The following PRG4 variants were observed in gnomAD, a reference collection of about 807,000 sequenced individuals.
PRG4 encodes articular superficial zone protein.
Under a neutral mutation model 91.2 loss-of-function variants are expected in PRG4, and 61 were observed. That is an observed-to-expected ratio of 0.67 (90% CI 0.54 to 0.83). The LOEUF is 0.83. PRG4 is among the 40% of genes least tolerant of loss of function. The pLI is 0.00. For missense variants in PRG4, 1,564 were observed against 1,714.2 expected (o/e 0.91, Z 1.55); for synonymous variants, 576 against 614.2 (o/e 0.94, Z 0.92).
chr1:186,307,931 A>T lies in PRG4; in HGVS notation c.2212A>T (p.Thr738Ser). ...CCCCAAGGAGCTTGCACCCACCACC[A>T]CCAAGGAGCCCACATCCACCACCTC... ...PAPKELAPTTTKEPTSTTSDK... is the reference protein window; with the variant it reads ...PAPKELAPTTSKEPTSTTSDK... Residue 738 changes from threonine (T) to serine (S), a missense_variant, in exon 7 of 13, where the codon ACC becomes TCC. Thr to Ser is a moderately conservative substitution (Grantham distance 58). Transcript: ENST00000445192. 6.6e-7 allele frequency: 1 copy of T among 1,514,238 alleles called. No individual in the cohort carries two copies. The highest frequency in any genetic ancestry group is 8.8e-7 in the Non-Finnish European group (1 of 1,135,374). 93.8% of individuals were successfully genotyped at this position (1,514,238 alleles called of 1,614,324 possible).
chr1:186,306,080 T>C (rs1256957179), intron 6 of PRG4, among the ~76,000 whole-genome samples: 2 of 152,192 alleles, frequency 1.3e-5, no homozygotes, highest in Non-Finnish European at 2.9e-5. Flanking sequence ...CTGACTTCCA[T>C]GTATTAATTG....
In PRG4 at chr1:186,314,120, G is replaced by T; in HGVS notation, c.*342G>T. The T allele has an allele frequency of 8.5e-7, 1 of 1,181,696 alleles. No individual in the cohort carries two copies. Among genetic ancestry groups the T allele is most frequent in the Non-Finnish European group, 1.2e-6 (1 of 827,734 alleles). 73.2% of individuals were successfully genotyped at this position (1,181,696 alleles called of 1,614,324 possible). On this transcript the variant is annotated 3_prime_UTR_variant, in exon 13 of 13. Transcript: ENST00000445192. ...CTAGTTCATTATAAAAAATATCTAG[G>T]CATTGTGGATATAAAACTGTTGGGT... is the stretch of plus-strand genomic sequence containing the variant.
Position 186,307,593 on chromosome 1 carries a change from C to A in PRG4, c.1874C>A (p.Thr625Lys). 1 of 1,596,556 alleles carries A rather than the reference C, an allele frequency of 6.3e-7. No homozygotes were observed. Among genetic ancestry groups the A allele is most frequent in the South Asian group, 1.1e-5 (1 of 90,146 alleles). Reference protein sequence around the residue: ...ETAPTTPKKLTPTTPEKLAPT... With the variant: ...ETAPTTPKKLKPTTPEKLAPT... ...GCACCCACCACCCCCAAGAAGCTCA[C>A]GCCCACCACCCCCGAGAAGCTCGCA... Residue 625 changes from threonine (T) to lysine (K), a missense_variant, in exon 7 of 13, where the codon ACG becomes AAG. Coordinates refer to ENST00000445192, the MANE Select transcript of PRG4 (RefSeq NM_005807.6).
chr1:186,308,753 A>C lies in PRG4; in HGVS notation c.3034A>C (p.Thr1012Pro), dbSNP rs145496354. 5.0e-6 allele frequency: 8 copies of C among 1,613,838 alleles called. No homozygotes were observed. Among genetic ancestry groups the C allele is most frequent in the Non-Finnish European group, 6.8e-6 (8 of 1,180,022 alleles). Reference protein sequence around the residue: ...EETAKPKDRATNSKATTPKPQ... With the variant: ...EETAKPKDRAPNSKATTPKPQ... ...AACAGCTAAACCAAAAGACAGAGCT[A>C]CTAATTCTAAAGCGACAACTCCTAA... The change falls in exon 7 of 13, where the codon ACT (threonine) becomes CCT (proline). Residue 1012 changes from threonine (T) to proline (P), a missense_variant. Around this residue, in one of 3 missense-constraint regions of PRG4, gnomAD observed 1,079 missense variants for 1,162.2 expected, o/e 0.93. Transcript: ENST00000445192.
chr1:186,304,349 G>T, intron 5 of PRG4, 92 bp downstream of exon 5: 1 of 1,414,554 alleles, frequency 7.1e-7, no homozygotes, highest in Non-Finnish European at 1.0e-6. Context: ...AGAGAACAGG[G>T]TAATCTTAGG....
chr1:186,312,391 TAAAA>T lies in PRG4; in HGVS notation c.3991+23_3991+26del. ...GACAAAGGTAACATTTTTATTGTGT[TAAAA>T]AAATCCTTAAACATAAGTAGATGTA... On this transcript the variant is annotated intron_variant, in intron 11 of 12. Transcript: ENST00000445192. 6.3e-7 allele frequency: 1 copy of T among 1,591,552 alleles called. No homozygotes were observed. The highest frequency in any genetic ancestry group is 8.6e-7 in the Non-Finnish European group (1 of 1,168,386).
chr1:186,312,170 A>T lies in PRG4; in HGVS notation c.3794-5A>T. 6.2e-7 allele frequency: 1 copy of T among 1,613,050 alleles called. No homozygotes were observed. Among genetic ancestry groups the T allele is most frequent in the South Asian group, 1.1e-5 (1 of 91,048 alleles). ...TTTTCCATGTGATATTCTAATACAT[A>T]ACAGGTGGCAGCATTCAGCAGTATA... On this transcript the variant is annotated splice_region_variant and splice_polypyrimidine_tract_variant and intron_variant, in intron 10 of 12. Coordinates refer to ENST00000445192, the MANE Select transcript of PRG4 (RefSeq NM_005807.6).
Position 186,306,844 on chromosome 1 carries a change from C to T in PRG4, c.1125C>T (p.Pro375=), listed in dbSNP as rs374026500. 1.9e-4 allele frequency: 306 copies of T among 1,610,296 alleles called. No individual in the cohort carries two copies. Among genetic ancestry groups the T allele is most frequent in the Non-Finnish European group, 2.4e-4 (281 of 1,178,826 alleles). The change falls in exon 7 of 13, where the codon CCC becomes CCT. Residue 375 remains proline (P), a synonymous_variant. Coordinates refer to ENST00000445192, the MANE Select transcript of PRG4 (RefSeq NM_005807.6). Reference sequence around the variant, plus strand: ...CACCTACCACCATCAAGTCTGCACCCACCACCCCCAAGGAGCCTGCACCCA... The same window carrying T: ...CACCTACCACCATCAAGTCTGCACCTACCACCCCCAAGGAGCCTGCACCCA... The part of the protein sequence containing the change: ...EPTPTTIKSA[P]TTPKEPAPTT...
At chr1:186,305,161 C>A (rs545561304) in intron 6 of PRG4, among the ~76,000 whole-genome samples, 2 of 152,210 alleles carry the variant, frequency 1.3e-5, no homozygotes, top group African/African-American at 4.8e-5. Flanking sequence ...TGTGGAACCA[C>A]AAGATGGCAC....
At position 186,311,490 on chromosome 1, in the gene PRG4, C is replaced by T; in HGVS notation, c.3687C>T (p.Pro1229=). 1 of 1,613,824 alleles carries T rather than the reference C, an allele frequency of 6.2e-7. No homozygotes were observed. The highest frequency in any genetic ancestry group is 8.5e-7 in the Non-Finnish European group (1 of 1,179,814). ...FTNDIKDAGY[P]KPIFKGFGGL... is the part of the protein sequence containing the mutation. Reference sequence around the variant, plus strand: ...ATGATATAAAAGATGCAGGGTACCCCAAACCAATTTTCAAAGGATTTGGAG... The same window carrying T: ...ATGATATAAAAGATGCAGGGTACCCTAAACCAATTTTCAAAGGATTTGGAG... Residue 1229 remains proline (P), a synonymous_variant, in exon 10 of 13, where the codon CCC becomes CCT. Coordinates refer to ENST00000445192, the MANE Select transcript of PRG4 (RefSeq NM_005807.6).
intron 7 of PRG4, among the ~76,000 whole-genome samples, chr1:186,309,433 C>G (rs1218765001): frequency 1.3e-5 from 2 of 152,050 alleles, no homozygotes; most frequent in Non-Finnish European, 2.9e-5. Context: ...AAGTACAATG[C>G]AAAGCAAAAA....
Position 186,309,827 on chromosome 1 carries a change from T to C in PRG4, c.3456T>C (p.Asp1152=), listed in dbSNP as rs769463370. 1 of 1,613,882 alleles carries C rather than the reference T, an allele frequency of 6.2e-7. No homozygotes were observed. Among genetic ancestry groups the C allele is most frequent in the South Asian group, 1.1e-5 (1 of 91,082 alleles). ...ETNICNGKPV[D]GLTTLRNGTL... The stretch of plus-strand genomic sequence containing the variant: ...ATATATGCAATGGTAAGCCAGTAGA[T>C]GGACTGACTACTTTGCGCAATGGGA... The change falls in exon 8 of 13, where the codon GAT becomes GAC. Residue 1152 remains aspartate (D), a synonymous_variant. Coordinates refer to ENST00000445192, the MANE Select transcript of PRG4 (RefSeq NM_005807.6).
At chr1:186,310,690 CAG>C (rs1457391320) in intron 8 of PRG4, among the ~76,000 whole-genome samples, 1 of 137,554 alleles carries the variant, frequency 7.3e-6, no homozygotes, top group Non-Finnish European at 1.5e-5. Context: ...TTTGTAGAGA[CAG>C]GGTTTTGTCA....
rs1656955093 is a variant in PRG4, at chr1:186,308,871, C to T, written c.3152C>T (p.Thr1051Ile). 1 of 1,613,716 alleles carries T rather than the reference C, an allele frequency of 6.2e-7. No individual in the cohort carries two copies. The highest frequency in any genetic ancestry group is 8.5e-7 in the Non-Finnish European group (1 of 1,179,966). ...PRVRKPKTTP[T>I]PRKMTSTMPE... is the part of the protein sequence containing the mutation. ...GTGAGAAAACCAAAGACGACACCAA[C>T]TCCCCGCAAGATGACATCAACAATG... The change falls in exon 7 of 13, where the codon ACT (threonine) becomes ATT (isoleucine). Residue 1051 changes from threonine (T) to isoleucine (I), a missense_variant. Thr to Ile is a moderately conservative substitution (Grantham distance 89). Around this residue, in one of 3 missense-constraint regions of PRG4, gnomAD observed 1,079 missense variants for 1,162.2 expected, o/e 0.93. Transcript: ENST00000445192.
chr1:186,296,594 C>A (rs918317779), intron 1 of PRG4, among the ~76,000 whole-genome samples: 1 of 152,080 alleles, frequency 6.6e-6, no homozygotes, highest in Admixed American at 6.5e-5. Flanking sequence ...TAAGTCTATT[C>A]TATATTGGAG....
chr1:186,314,213 T>G lies in PRG4; in HGVS notation c.*435T>G, dbSNP rs1231924297. 1.9e-6 allele frequency: 1 copy of G among 532,108 alleles called. No individual in the cohort carries two copies. The highest frequency in any genetic ancestry group is 3.2e-6 in the Non-Finnish European group (1 of 308,298). The allele number at this position is 532,108 out of a possible 1,614,324, so 33.0% of individuals were successfully genotyped here. The stretch of plus-strand genomic sequence containing the variant: ...CTCTTTTTGTGACACAAGTACAATC[T>G]AAAAGTTATATTGGAAAACATGGAA... On this transcript the variant is annotated 3_prime_UTR_variant, in exon 13 of 13. Coordinates refer to ENST00000445192, the MANE Select transcript of PRG4 (RefSeq NM_005807.6).
rs1357617744 is a variant in PRG4, at chr1:186,309,841, TGCGCAATGGGACATTA to T, written c.3472_3487del (p.Arg1158LeufsTer11). On this transcript the variant is annotated frameshift_variant, in exon 8 of 13. Coordinates refer to ENST00000445192, the MANE Select transcript of PRG4 (RefSeq NM_005807.6). LOFTEE classifies it high-confidence loss of function. ...AAGCCAGTAGATGGACTGACTACTTTGCGCAATGGGACATTAGTTGCATTCCGAGGTGAGCTATGTA... is the reference window on the plus strand; with the variant it reads ...AAGCCAGTAGATGGACTGACTACTTTGTTGCATTCCGAGGTGAGCTATGTA... The T allele has an allele frequency of 2.5e-6, 4 of 1,613,756 alleles. No individual in the cohort carries two copies. Among genetic ancestry groups the T allele is most frequent in the African/African-American group, 1.3e-5 (1 of 74,910 alleles).
chr1:186,314,236 G>A lies in PRG4; in HGVS notation c.*458G>A. 2 of 487,396 alleles carry A rather than the reference G, an allele frequency of 4.1e-6. No individual in the cohort carries two copies. Among genetic ancestry groups the A allele is most frequent in the South Asian group, 3.4e-5 (1 of 29,238 alleles). The allele number at this position is 487,396 out of a possible 1,614,324, so 30.2% of individuals were successfully genotyped here. The stretch of plus-strand genomic sequence containing the variant: ...TCTAAAAGTTATATTGGAAAACATG[G>A]AAATATTAAAATTTTACACTTTTAC... On this transcript the variant is annotated 3_prime_UTR_variant, in exon 13 of 13. Coordinates refer to ENST00000445192, the MANE Select transcript of PRG4 (RefSeq NM_005807.6).
Position 186,304,799 on chromosome 1 carries a change from T to C in PRG4, c.475T>C (p.Ser159Pro). 1 of 1,611,658 alleles carries C rather than the reference T, an allele frequency of 6.2e-7. No individual in the cohort carries two copies. The highest frequency in any genetic ancestry group is 1.3e-5 in the African/African-American group (1 of 74,948). Residue 159 changes from serine (S) to proline (P), a missense_variant, in exon 6 of 13, where the codon TCT becomes CCT. Physicochemically the swap from Ser to Pro is moderately conservative, Grantham distance 74. Coordinates refer to ENST00000445192, the MANE Select transcript of PRG4 (RefSeq NM_005807.6). ...ACTTTCTATTTGATTTATAGAACAT[T>C]CTGTTTCTGAAAATCAAGAGTCCTC... Reference protein sequence around the residue: ...IESEEITEEHSVSENQESSSS... With the variant: ...IESEEITEEHPVSENQESSSS...
Sources: gnomAD v4.1 joint callset for allele counts (sites outside exome capture counted in the v4.1 genomes callset) on GRCh38, gnomAD v4.1.1 for gene constraint, gnomAD v4.1.1 regional missense constraint, MANE v1.5 for transcripts, NCBI Gene and HGNC (gene_info 2026-07-23, HGNC 2026-07-21) for gene names.